The following SGPP1 variants were observed in gnomAD, a reference collection of about 807,000 sequenced individuals.
The protein encoded by SGPP1 is hSPP1.
SGPP1 carries 21 observed loss-of-function variants against 33.0 expected under a neutral mutation model. That is an observed-to-expected ratio of 0.64 (90% CI 0.45 to 0.92). The LOEUF (loss-of-function observed/expected upper bound fraction) is 0.92. Among genes scored for constraint, SGPP1 ranks in the 40% least tolerant of loss-of-function variants. The pLI is 0.00. For synonymous variants in SGPP1, 239 were observed against 241.2 expected, an observed-to-expected ratio of 0.99 and a Z score of 0.08; for missense variants, 543 against 589.4, an observed-to-expected ratio of 0.92 and a Z score of 0.81.
At chr14:63,696,120 T>C (rs1256361145) in intron 2 of SGPP1, among the ~76,000 whole-genome samples, 2 of 152,102 alleles carry the variant, frequency 1.3e-5, no homozygotes, top group Non-Finnish European at 2.9e-5. Flanking sequence ...AAACCCTGTT[T>C]CTACTAAAAA....
rs566152344 is a variant in SGPP1, at chr14:63,704,121, C to G, written c.685-5463G>C. 3.3e-5 allele frequency among the ~76,000 whole-genome samples: 5 copies of G among 152,204 alleles called. No individual in the cohort carries two copies. The South Asian group carries it at 1.0e-3, about 32-fold the overall frequency. On this transcript the variant is annotated intron_variant, in intron 1 of 2. Coordinates refer to ENST00000247225, the MANE Select transcript of SGPP1 (RefSeq NM_030791.4). Reference sequence around the variant, plus strand: ...GAATTACAGGCCTAAGCCACCATGCCCAGCCCTTCTGTCAAAGTTCTAATT... The same window carrying G: ...GAATTACAGGCCTAAGCCACCATGCGCAGCCCTTCTGTCAAAGTTCTAATT...
At chr14:63,693,293 C>T (rs1885123143) in intron 2 of SGPP1, among the ~76,000 whole-genome samples, 1 of 152,190 alleles carries the variant, frequency 6.6e-6, no homozygotes, top group African/African-American at 2.4e-5. Context: ...GGTTACATTC[C>T]CTTTGTTTGC....
chr14:63,696,389 A>G (rs1160460842), intron 2 of SGPP1, among the ~76,000 whole-genome samples: 2 of 152,234 alleles, frequency 1.3e-5, no homozygotes, highest in Non-Finnish European at 2.9e-5. Context: ...GATATTATCT[A>G]ATATCTTTTT....
chr14:63,686,643 C>A lies in SGPP1; in HGVS notation c.788G>T (p.Gly263Val). The A allele has an allele frequency of 6.2e-7, 1 of 1,602,384 alleles. No individual in the cohort carries two copies. Among genetic ancestry groups the A allele is most frequent in the Non-Finnish European group, 8.5e-7 (1 of 1,171,722 alleles). The change falls in exon 3 of 3, where the codon GGA becomes GTA. Residue 263 changes from glycine (G) to valine (V), a missense_variant. Physicochemically the swap from Gly to Val is moderately radical, Grantham distance 109. Transcript: ENST00000247225. The part of the protein sequence containing the change: ...GMHSILDIIA[G>V]FLYTILILAV... Reference sequence around the variant, plus strand: ...TAAGATTAAAATGGTATATAGGAATCCAGCAATAATATCCTAGGAAAAGAT... The same window carrying A: ...TAAGATTAAAATGGTATATAGGAATACAGCAATAATATCCTAGGAAAAGAT...
chr14:63,720,294 G>C (rs761601076), intron 1 of SGPP1, among the ~76,000 whole-genome samples: 4 of 149,614 alleles, frequency 2.7e-5, no homozygotes, highest in Non-Finnish European at 5.9e-5. Flanking sequence ...AGAAGAAATA[G>C]AAAAAAAGGA....
intron 2 of SGPP1, among the ~76,000 whole-genome samples, chr14:63,688,387 T>G (rs904369884): frequency 1.1e-4 from 16 of 150,382 alleles, no homozygotes; most frequent in African/African-American, 3.4e-4. Flanking sequence ...GGATTGAATG[T>G]GAGAAACAGC....
At chr14:63,688,001 G>A (rs538455479) in intron 2 of SGPP1, among the ~76,000 whole-genome samples, 237 of 152,176 alleles carry the variant, frequency 1.6e-3, no homozygotes, top group Non-Finnish European at 2.6e-3. Flanking sequence ...GGCACACACC[G>A]ATAATCCCAA....
At chr14:63,713,484 C>CTTA (rs1885563172) in intron 1 of SGPP1, among the ~76,000 whole-genome samples, 1 of 152,158 alleles carries the variant, frequency 6.6e-6, no homozygotes, top group African/African-American at 2.4e-5. Context: ...GTGGCCTAAA[C>CTTA]GGTCTATGTC....
rs1364267653 is a variant in SGPP1 at position 63,727,759 on chromosome 14, C to A, written c.186G>T (p.Ala62=). Reference sequence around the variant, plus strand: ...TCCCGGGAGGCTGGGGGCCTCCAGGCGCCCCTGGCTGCCGCCCTCGCAGTC... The same window carrying A: ...TCCCGGGAGGCTGGGGGCCTCCAGGAGCCCCTGGCTGCCGCCCTCGCAGTC... ...DPRLRGRQPG[A]PGGPQPPGSD... is the part of the protein sequence containing the mutation. The change falls in exon 1 of 3, where the codon GCG becomes GCT. Residue 62 remains alanine (A), a synonymous_variant. Transcript: ENST00000247225. The A allele has an allele frequency of 4.7e-6, 7 of 1,487,568 alleles. No homozygotes were observed. In the East Asian group the frequency reaches 1.1e-4, roughly 24 times the overall value. 92.1% of individuals were successfully genotyped at this position (1,487,568 alleles called of 1,614,324 possible). A position where few individuals can be genotyped will look rare whatever the true frequency, so the allele number is the denominator to read the frequency against.
chr14:63,720,696 G>A (rs1329281576), intron 1 of SGPP1, among the ~76,000 whole-genome samples: 2 of 152,214 alleles, frequency 1.3e-5, no homozygotes, highest in East Asian at 3.9e-4. Context: ...GGAGCCGGAG[G>A]TTGCGGTGAG....
At chr14:63,703,806 T>TTG (rs932283032) in intron 1 of SGPP1, among the ~76,000 whole-genome samples, 2 of 144,946 alleles carry the variant, frequency 1.4e-5, no homozygotes, top group African/African-American at 5.1e-5. Flanking sequence ...TTAAGTTTTT[T>TTG]TTTTTTTTTT....
At chr14:63,696,027 C>T (rs1280647033) in intron 2 of SGPP1, among the ~76,000 whole-genome samples, 1 of 152,160 alleles carries the variant, frequency 6.6e-6, no homozygotes, top group Non-Finnish European at 1.5e-5. Context: ...GTGGCTCACA[C>T]CTGTAATCCC....
At chr14:63,725,976 T>C (rs769489595) in intron 1 of SGPP1, among the ~76,000 whole-genome samples, 4 of 152,170 alleles carry the variant, frequency 2.6e-5, no homozygotes, top group Non-Finnish European at 5.9e-5. Context: ...GCAAAACAGG[T>C]AGCACTGCTT....
At chr14:63,687,860 C>T (rs1885011508) in intron 2 of SGPP1, among the ~76,000 whole-genome samples, 1 of 152,132 alleles carries the variant, frequency 6.6e-6, no homozygotes, top group Admixed American at 6.6e-5. Flanking sequence ...GTGGCTCACA[C>T]CTGTAATCCC....
In SGPP1 at chr14:63,685,505, C is replaced by T. The variant is rs1168673458; in HGVS notation, c.*600G>A. Reference sequence around the variant, plus strand: ...CTAAAAATTTGGTCCATTAAAAATGCCTCCCATGTTCAACATCATGGATAA... The same window carrying T: ...CTAAAAATTTGGTCCATTAAAAATGTCTCCCATGTTCAACATCATGGATAA... On this transcript the variant is annotated 3_prime_UTR_variant, in exon 3 of 3. Coordinates refer to ENST00000247225, the MANE Select transcript of SGPP1 (RefSeq NM_030791.4). 6.6e-6 allele frequency: 1 copy of T among 152,192 alleles called. No homozygotes were observed. The highest frequency in any genetic ancestry group is 1.9e-4 in the East Asian group (1 of 5,182). 9.4% of individuals were successfully genotyped at this position (152,192 alleles called of 1,614,324 possible). A position where few individuals can be genotyped will look rare whatever the true frequency, so the allele number is the denominator to read the frequency against.
chr14:63,711,991 C>G (rs1403265874), intron 1 of SGPP1, among the ~76,000 whole-genome samples: 1 of 148,572 alleles, frequency 6.7e-6, no homozygotes, highest in Admixed American at 6.8e-5. Context: ...GATCGCACCA[C>G]TGCACTCCAG....
At chr14:63,702,021 G>A (rs1027466689) in intron 1 of SGPP1, among the ~76,000 whole-genome samples, 6 of 148,468 alleles carry the variant, frequency 4.0e-5, no homozygotes, top group African/African-American at 1.5e-4. Flanking sequence ...CTATAAGGAA[G>A]TAGAAATGTA....
intron 1 of SGPP1, among the ~76,000 whole-genome samples, chr14:63,700,915 T>C (rs975501167): frequency 6.6e-6 from 1 of 152,186 alleles, no homozygotes; most frequent in South Asian, 2.1e-4. Flanking sequence ...CAAGCTTCCA[T>C]CAGCCTAGGT....
intron 2 of SGPP1, among the ~76,000 whole-genome samples, chr14:63,688,711 TTTC>T (rs1417991424): frequency 1.3e-5 from 2 of 148,300 alleles, no homozygotes; most frequent in Non-Finnish European, 3.0e-5. Flanking sequence ...ACAACCGTCA[TTTC>T]TTTTTTTTTT....
Sources: gnomAD v4.1 joint callset for allele counts (sites outside exome capture counted in the v4.1 genomes callset) on GRCh38, gnomAD v4.1.1 for gene constraint, MANE v1.5 for transcripts, NCBI Gene and HGNC (gene_info 2026-07-23, HGNC 2026-07-21) for gene names.